The following C1orf21 variants were observed in gnomAD, a reference collection of about 807,000 sequenced individuals.
The protein encoded by C1orf21 is chromosome 1 open reading frame 21.
Under a neutral mutation model 18.7 loss-of-function variants are expected in C1orf21, and 3 were observed. The observed-to-expected ratio is 0.16, with a 90% CI of 0.07 to 0.42. The LOEUF is 0.42. C1orf21 is among the 10% of genes least tolerant of loss of function. C1orf21 has a pLI of 0.99. For synonymous variants in C1orf21, 41 were observed against 46.4 expected, an observed-to-expected ratio of 0.88 and a Z score of 0.47; for missense variants, 104 against 143.6, an observed-to-expected ratio of 0.72 and a Z score of 1.41.
chr1:184,539,665 A>G (rs1368607116), intron 3 of C1orf21, among the ~76,000 whole-genome samples: 1 of 152,224 alleles, frequency 6.6e-6, no homozygotes, highest in Admixed American at 6.5e-5. Flanking sequence ...AAGTGAAAAA[A>G]TCCTGCAAAG....
At chr1:184,613,392 A>G (rs534441807) in intron 5 of C1orf21, among the ~76,000 whole-genome samples, 1 of 152,310 alleles carries the variant, frequency 6.6e-6, no homozygotes, top group South Asian at 2.1e-4. Context: ...ATAATGAATA[A>G]TGGACAGTGG....
At chr1:184,565,618 T>C (rs1000837105) in intron 3 of C1orf21, among the ~76,000 whole-genome samples, 3 of 152,256 alleles carry the variant, frequency 2.0e-5, no homozygotes, top group African/African-American at 7.2e-5. Context: ...GGTGTCCCCC[T>C]GTAAAGTGGA....
intron 3 of C1orf21, among the ~76,000 whole-genome samples, chr1:184,559,548 T>TTCCTTCCC (rs1658929158): frequency 7.5e-6 from 1 of 133,700 alleles, no homozygotes; most frequent in Non-Finnish European, 1.6e-5. Context: ...CCTTCCTTCC[T>TTCCTTCCC]TCCTTCCTCT....
At chr1:184,413,240 A>G (rs1362680542) in intron 1 of C1orf21, among the ~76,000 whole-genome samples, 3 of 152,238 alleles carry the variant, frequency 2.0e-5, no homozygotes, top group Non-Finnish European at 4.4e-5. Context: ...GAGATGTTAT[A>G]TGTATATACA....
intron 5 of C1orf21, among the ~76,000 whole-genome samples, chr1:184,618,017 C>G (rs1257395085): frequency 6.8e-6 from 1 of 147,120 alleles, no homozygotes; most frequent in South Asian, 2.3e-4. Flanking sequence ...TCAAGCGATT[C>G]TCCTGCCTTA....
intron 1 of C1orf21, among the ~76,000 whole-genome samples, chr1:184,395,369 GA>G (rs1656036414): frequency 6.6e-6 from 1 of 152,038 alleles, no homozygotes; most frequent in South Asian, 2.1e-4. Flanking sequence ...ATATAATGAG[GA>G]AGTATAGTCT....
chr1:184,474,717 CCT>C (rs1242413964), intron 1 of C1orf21, among the ~76,000 whole-genome samples: 3 of 152,106 alleles, frequency 2.0e-5, no homozygotes, highest in Non-Finnish European at 4.4e-5. Flanking sequence ...AGGATTGCCC[CCT>C]CTCTCCTGTT....
intron 2 of C1orf21, among the ~76,000 whole-genome samples, chr1:184,490,230 C>T (rs983779839): frequency 2.6e-5 from 4 of 152,180 alleles, no homozygotes; most frequent in African/African-American, 9.7e-5. Flanking sequence ...GTGCTAGGCA[C>T]GGAGGCTGTA....
chr1:184,464,353 G>A (rs1226881403), intron 1 of C1orf21, among the ~76,000 whole-genome samples: 1 of 152,162 alleles, frequency 6.6e-6, no homozygotes, highest in Non-Finnish European at 1.5e-5. Context: ...GGATAATTAT[G>A]GGGTGTGCTG....
At chr1:184,449,194 C>G (rs148873340) in intron 1 of C1orf21, among the ~76,000 whole-genome samples, 6,597 of 140,948 alleles carry the variant, frequency 0.047, 167 homozygotes, top group African/African-American at 0.052. Flanking sequence ...TGCTATCCCT[C>G]CCCCTTCCCC....
intron 3 of C1orf21, among the ~76,000 whole-genome samples, chr1:184,574,936 G>T (rs570046227): frequency 7.2e-4 from 109 of 152,314 alleles, no homozygotes; most frequent in African/African-American, 2.6e-3. Context: ...TTAGGGGAAT[G>T]CACACCAAAT....
At chr1:184,473,753 C>T (rs1343560556) in intron 1 of C1orf21, among the ~76,000 whole-genome samples, 4 of 152,142 alleles carry the variant, frequency 2.6e-5, no homozygotes, top group African/African-American at 7.2e-5. Flanking sequence ...CAAAGCTGAG[C>T]CAAATGCCTG....
chr1:184,388,629 C>CTTT (rs200576878), intron 1 of C1orf21, among the ~76,000 whole-genome samples: 4 of 143,612 alleles, frequency 2.8e-5, no homozygotes, highest in African/African-American at 1.0e-4. Flanking sequence ...TCTTTCTTTT[C>CTTT]TTTTTTTTTT....
At chr1:184,559,472 T>A (rs1658921935) in intron 3 of C1orf21, among the ~76,000 whole-genome samples, 1 of 145,432 alleles carries the variant, frequency 6.9e-6, no homozygotes, top group African/African-American at 2.8e-5. Context: ...TTTCTCTCCT[T>A]TCCCTCCTTC....
intron 5 of C1orf21, among the ~76,000 whole-genome samples, chr1:184,613,523 TATTATC>T (rs1167269795): frequency 3.3e-5 from 5 of 152,182 alleles, no homozygotes; most frequent in African/African-American, 1.2e-4. Flanking sequence ...GCTCAAAACT[TATTATC>T]AGTTGTGTTG....
chr1:184,587,034 T>C (rs1022497000), intron 3 of C1orf21, among the ~76,000 whole-genome samples: 8 of 152,230 alleles, frequency 5.3e-5, no homozygotes, highest in Non-Finnish European at 1.2e-4. Context: ...ATTTATTGAA[T>C]AGGGAATCGT....
chr1:184,553,365 A>G (rs748390440), intron 3 of C1orf21, among the ~76,000 whole-genome samples: 63 of 152,196 alleles, frequency 4.1e-4, no homozygotes, highest in Non-Finnish European at 5.9e-4. Context: ...GAACTCACAC[A>G]TAAGTTTCAT....
At chr1:184,511,089 T>A (rs978008375) in intron 3 of C1orf21, among the ~76,000 whole-genome samples, 1 of 152,206 alleles carries the variant, frequency 6.6e-6, no homozygotes, top group Non-Finnish European at 1.5e-5. Context: ...GAGTAAGTAG[T>A]GAGCATAATG....
intron 1 of C1orf21, among the ~76,000 whole-genome samples, chr1:184,446,074 T>C (rs2101977260): frequency 6.6e-6 from 1 of 152,306 alleles, no homozygotes; most frequent in Admixed American, 6.5e-5. Flanking sequence ...TGATAGACTT[T>C]AGAATTCAGG....
Sources: allele counts gnomAD v4.1 joint callset (sites outside exome capture counted in the v4.1 genomes callset), GRCh38; gene constraint gnomAD v4.1.1; transcripts MANE v1.5; gene names NCBI Gene and HGNC (gene_info 2026-07-23, HGNC 2026-07-21).